NOS1: variants seen among roughly 807,000 people sequenced by gnomAD.
NOS1 encodes the protein nitric oxide synthase 1, also known as NOS type I.
In NOS1, 51 loss-of-function variants were observed where a neutral mutation model predicts 164.5. The observed-to-expected ratio is 0.31, with a 90% CI of 0.25 to 0.39. NOS1 has a LOEUF of 0.39. NOS1 is among the 10% of genes least tolerant of loss of function. NOS1 has a pLI of 1.00. For synonymous variants in NOS1, 719 were observed against 745.8 expected (o/e 0.96, Z 0.59); for missense variants, 1,362 against 1,885.6 (o/e 0.72, Z 5.14).
chr12:117,273,649 T>C (rs1388510671), intron 9 of NOS1, among the ~76,000 whole-genome samples: 1 of 152,190 alleles, frequency 6.6e-6, no homozygotes, highest in Non-Finnish European at 1.5e-5. Context: ...AATGCTATTA[T>C]TTATTTATAC....
At chr12:117,257,607 CTTTTTT>C (rs151304592) in intron 16 of NOS1, among the ~76,000 whole-genome samples, 58 of 99,126 alleles carry the variant, frequency 5.9e-4, no homozygotes, top group Middle Eastern at 7.7e-3. Context: ...TTGATTTTAG[CTTTTTT>C]TTTTTTTTTT....
intron 1 of NOS1, among the ~76,000 whole-genome samples, chr12:117,346,271 G>A (rs950265930): frequency 2.0e-5 from 3 of 152,180 alleles, no homozygotes; most frequent in Admixed American, 6.5e-5. Context: ...AGGAGTTTGA[G>A]ACCAGTCTGG....
chr12:117,303,742 G>T (rs1042503986), intron 3 of NOS1, among the ~76,000 whole-genome samples: 1 of 152,174 alleles, frequency 6.6e-6, no homozygotes, highest in Non-Finnish European at 1.5e-5. Flanking sequence ...CAAGGGAAAC[G>T]ATGCTTAATA....
chr12:117,260,127 A>C (rs76476088), intron 14 of NOS1, among the ~76,000 whole-genome samples: 5,019 of 142,962 alleles, frequency 0.035, 208 homozygotes, highest in African/African-American at 0.11. Context: ...TCAAAAAAAA[A>C]AAAAAACAAA....
At position 117,213,606 on chromosome 12, in the gene NOS1, T is replaced by C. The variant is rs923187656; in HGVS notation, c.*1703A>G. On this transcript the variant is annotated 3_prime_UTR_variant, in exon 29 of 29. Coordinates refer to ENST00000317775, the MANE Select transcript of NOS1 (RefSeq NM_000620.5). ...TCTTGGTGCCCCCACTGTAAAGCCC[T>C]TTCAAAGAGGGCCAGTGCACTTCCT... The C allele has an allele frequency of 4.1e-6, 4 of 985,296 alleles. No individual in the cohort carries two copies. Among genetic ancestry groups the C allele is most frequent in the African/African-American group, 1.7e-5 (1 of 57,230 alleles). The allele number at this position is 985,296 out of a possible 1,614,324, so 61.0% of individuals were successfully genotyped here.
At position 117,263,861 on chromosome 12, in the gene NOS1, C is replaced by T. The variant is rs760307170; in HGVS notation, c.2222+28G>A. ...TTCTCTGAGTTTGTGGGGACATCCACCCCACCCGCCCACTGCACGAAACTT... is the reference window on the plus strand; with the variant it reads ...TTCTCTGAGTTTGTGGGGACATCCATCCCACCCGCCCACTGCACGAAACTT... On this transcript the variant is annotated intron_variant, in intron 13 of 28. Transcript: ENST00000317775. 2.5e-5 allele frequency: 39 copies of T among 1,580,584 alleles called. 1 individual carries two copies. The South Asian group carries it at 4.0e-4, about 16-fold the overall frequency.
At chr12:117,258,910 T>C in intron 15 of NOS1, 116 bp downstream of exon 15, 1 of 677,366 alleles carries the variant, frequency 1.5e-6, no homozygotes. Context: ...TTACTGGCTT[T>C]CAGGCTCTGG....
chr12:117,339,912 G>T (rs1395092117), intron 1 of NOS1, among the ~76,000 whole-genome samples: 2 of 152,174 alleles, frequency 1.3e-5, no homozygotes, highest in Non-Finnish European at 2.9e-5. Flanking sequence ...CAGTACCAGT[G>T]GTTACTTCTA....
In NOS1 at chr12:117,234,254, G is replaced by A. The variant is rs1869511712; in HGVS notation, c.3235+311C>T. ...CTAGAGATTTTCCTGAGGGCTAGTG[G>A]TGAGGATGGAAAGTGAAAAGAATGG... On this transcript the variant is annotated intron_variant, in intron 21 of 28. Coordinates refer to ENST00000317775, the MANE Select transcript of NOS1 (RefSeq NM_000620.5). This position sits in a 1 kb window ranked among gnomAD's most constrained non-coding sequence, Gnocchi z 4.3. Among the ~76,000 whole-genome samples, 1 of 152,218 alleles carries A rather than the reference G, an allele frequency of 6.6e-6. No homozygotes were observed. The highest frequency in any genetic ancestry group is 2.4e-5 in the African/African-American group (1 of 41,450).
At chr12:117,348,983 G>A (rs2136091735) in intron 1 of NOS1, among the ~76,000 whole-genome samples, 1 of 152,322 alleles carries the variant, frequency 6.6e-6, no homozygotes, top group African/African-American at 2.4e-5. Context: ...TTATGGTTAT[G>A]TACGATATTA....
At chr12:117,281,237 A>G (rs894338674) in intron 7 of NOS1, among the ~76,000 whole-genome samples, 1 of 152,198 alleles carries the variant, frequency 6.6e-6, no homozygotes, top group East Asian at 1.9e-4. Flanking sequence ...AGAATGCACT[A>G]GACGCCGGGC....
chr12:117,231,473 C>T (rs1869227682), intron 22 of NOS1, among the ~76,000 whole-genome samples: 1 of 151,986 alleles, frequency 6.6e-6, no homozygotes, highest in Non-Finnish European at 1.5e-5. Flanking sequence ...GGGATGAATA[C>T]CCCATTTGCC....
intron 1 of NOS1, among the ~76,000 whole-genome samples, chr12:117,341,367 C>T (rs1175631924): frequency 6.6e-6 from 1 of 152,158 alleles, no homozygotes; most frequent in African/African-American, 2.4e-5. Context: ...GGTGAGTCAA[C>T]ACCACTAGGG....
At chr12:117,233,034 CTTTTTTTTTTT>C (rs34474757) in intron 21 of NOS1, among the ~76,000 whole-genome samples, 5 of 88,366 alleles carry the variant, frequency 5.7e-5, no homozygotes, top group African/African-American at 2.0e-4. Context: ...TGCCTCACTA[CTTTTTTTTTTT>C]TTTTTTTTTT....
chr12:117,352,832 T>C (rs1024745716), intron 1 of NOS1, among the ~76,000 whole-genome samples: 2 of 152,110 alleles, frequency 1.3e-5, no homozygotes, highest in Non-Finnish European at 1.5e-5. Flanking sequence ...CCAAAGAAAC[T>C]TGGAAAAATT....
chr12:117,217,170 G>T (rs757907251), intron 28 of NOS1, among the ~76,000 whole-genome samples: 32 of 152,132 alleles, frequency 2.1e-4, no homozygotes, highest in Non-Finnish European at 1.6e-4. Context: ...TCAAAATCAT[G>T]TGAATTATAA....
At chr12:117,316,589 T>C (rs1874680855) in intron 2 of NOS1, among the ~76,000 whole-genome samples, 1 of 152,180 alleles carries the variant, frequency 6.6e-6, no homozygotes, top group Non-Finnish European at 1.5e-5. Flanking sequence ...ACATGAGTGA[T>C]GTATATTTCC....
chr12:117,227,335 T>G, intron 23 of NOS1, 96 bp downstream of exon 23: 1 of 1,155,250 alleles, frequency 8.7e-7, no homozygotes, highest in Non-Finnish European at 1.3e-6. Context: ...TCCCAGGGAT[T>G]TGGGATTTAG....
chr12:117,214,388 T>A lies in NOS1; in HGVS notation c.*921A>T, dbSNP rs1182095537. The A allele has an allele frequency of 5.1e-6, 5 of 985,208 alleles. No individual in the cohort carries two copies. The highest frequency in any genetic ancestry group is 6.0e-6 in the Non-Finnish European group (5 of 829,928). The allele number at this position is 985,208 out of a possible 1,614,324, so 61.0% of individuals were successfully genotyped here. On this transcript the variant is annotated 3_prime_UTR_variant, in exon 29 of 29. Transcript: ENST00000317775. ...TGCCACCAGGCTTCTTTGAACAACA[T>A]AACTTCCAGGCCCCTTGGATGCTAT...
Sources: gnomAD v4.1 joint callset for allele counts (sites outside exome capture counted in the v4.1 genomes callset) on GRCh38, gnomAD v4.1.1 for gene constraint, Gnocchi (gnomAD v3.1) non-coding constraint, MANE v1.5 for transcripts, NCBI Gene and HGNC (gene_info 2026-07-23, HGNC 2026-07-21) for gene names.